Variants in ATRX observed in about 807,000 individuals in gnomAD.
The protein encoded by ATRX is ATRX chromatin remodeler.
In ATRX, 12 loss-of-function variants were observed where a neutral mutation model predicts 172.6. That is an observed-to-expected ratio of 0.07 (90% confidence interval 0.04 to 0.11). The LOEUF is 0.11. ATRX is among the 10% of genes least tolerant of loss of function. The pLI is 1.00. For synonymous variants in ATRX, 674 were observed against 594.7 expected, an observed-to-expected ratio of 1.13 and a Z score of -1.94; for missense variants, 1,368 against 1,767.4, an observed-to-expected ratio of 0.77 and a Z score of 4.05.
At chrX:77,630,925 T>C (rs1191602700) in intron 19 of ATRX, among the ~76,000 whole-genome samples, 6 of 111,189 alleles carry the variant, frequency 5.4e-5, no homozygotes, top group East Asian at 5.6e-4. Context: ...AAAGATGATA[T>C]AAAAAAGTAA....
chrX:77,744,147 T>A (rs782034699), intron 1 of ATRX, among the ~76,000 whole-genome samples: 2 of 111,792 alleles, frequency 1.8e-5, no homozygotes, highest in Non-Finnish European at 3.8e-5. Context: ...GAGACCCCCA[T>A]CTCTAAAAGA....
intron 2 of ATRX, among the ~76,000 whole-genome samples, chrX:77,710,757 G>A (rs1254136176): frequency 1.8e-5 from 2 of 111,256 alleles, no homozygotes; most frequent in South Asian, 3.7e-4. Flanking sequence ...TTTTCAAAAT[G>A]GAAGACAGAT....
At chrX:77,626,726 G>A (rs945447457) in intron 19 of ATRX, among the ~76,000 whole-genome samples, 5 of 111,629 alleles carry the variant, frequency 4.5e-5, no homozygotes, top group African/African-American at 6.5e-5. Flanking sequence ...ATTCCTATAC[G>A]GATATAAATG....
chrX:77,513,133 C>A (rs575670356), intron 34 of ATRX, among the ~76,000 whole-genome samples: 2 of 107,991 alleles, frequency 1.9e-5, no homozygotes, highest in Middle Eastern at 4.9e-3. Flanking sequence ...CTGGTTAACA[C>A]GGTGAAACCC....
chrX:77,749,636 A>G (rs934851934), intron 1 of ATRX, among the ~76,000 whole-genome samples: 1 of 111,906 alleles, frequency 8.9e-6, no homozygotes, highest in Admixed American at 9.6e-5. Context: ...GAAATAATAC[A>G]GTAATCCCAC....
chrX:77,747,699 C>T (rs1264763181), intron 1 of ATRX, among the ~76,000 whole-genome samples: 2 of 111,473 alleles, frequency 1.8e-5, no homozygotes, highest in Admixed American at 9.6e-5. Flanking sequence ...ATAGTAAAGA[C>T]AAGCCATTAA....
intron 28 of ATRX, among the ~76,000 whole-genome samples, chrX:77,566,212 T>C (rs2065192511): frequency 9.0e-6 from 1 of 110,614 alleles, no homozygotes; most frequent in Non-Finnish European, 1.9e-5. Flanking sequence ...CGTGACAAAA[T>C]ATATCAGTCA....
Position 77,523,356 on chromosome X carries a change from C to T in ATRX, c.6745G>A (p.Val2249Ile), listed in dbSNP as rs2147761663. 1.7e-6 allele frequency: 2 copies of T among 1,209,443 alleles called. No individual in the cohort carries two copies. Among genetic ancestry groups the T allele is most frequent in the Non-Finnish European group, 2.2e-6 (2 of 893,547 alleles). The change falls in exon 31 of 35, where the codon GTA becomes ATA. Residue 2249 changes from valine to isoleucine, a missense_variant. Physicochemically the swap from Val to Ile is conservative, Grantham distance 29. Around this residue, in one of 17 missense-constraint regions of ATRX, gnomAD observed 18 missense variants for 52.4 expected, o/e 0.34. Transcript: ENST00000373344. Reference protein sequence around the residue: ...ELLQIHKEHIVGYHEHDSLLD... With the variant: ...ELLQIHKEHIIGYHEHDSLLD... ...AGAGAATCATGTTCATGGTATCCTACAATGTGTTCTTTATGTATCTGAAGG... is the reference window on the plus strand; with the variant it reads ...AGAGAATCATGTTCATGGTATCCTATAATGTGTTCTTTATGTATCTGAAGG...
chrX:77,627,666 A>G (rs2067929113), intron 19 of ATRX, among the ~76,000 whole-genome samples: 1 of 106,609 alleles, frequency 9.4e-6, no homozygotes, highest in Non-Finnish European at 1.9e-5. Context: ...GTTCGAGACC[A>G]GCCTGGGCAA....
rs1291977828 is a variant in ATRX, at chrX:77,719,645, A to T, written c.21-2402T>A. 3.6e-5 allele frequency among the ~76,000 whole-genome samples: 4 copies of T among 111,650 alleles called. No individual in the cohort carries two copies. The Admixed American group carries it at 3.8e-4, about 11-fold the overall frequency. On this transcript the variant is annotated intron_variant, in intron 1 of 34. Transcript: ENST00000373344. Reference sequence around the variant, plus strand: ...ACGAGAAGAGCTAACTATCCTAAATATATATGTACCCAATACGGGAGCACC... The same window carrying T: ...ACGAGAAGAGCTAACTATCCTAAATTTATATGTACCCAATACGGGAGCACC...
intron 20 of ATRX, 136 bp from the exon 21 acceptor site, chrX:77,619,117 T>C: frequency 2.1e-6 from 1 of 467,728 alleles, no homozygotes; most frequent in Non-Finnish European, 3.6e-6. Flanking sequence ...AAGCTAAGTA[T>C]AGAATAAACA....
At chrX:77,574,636 C>CTTGA (rs2065543124) in intron 27 of ATRX, among the ~76,000 whole-genome samples, 2 of 111,595 alleles carry the variant, frequency 1.8e-5, no homozygotes, top group South Asian at 7.3e-4. Context: ...GATTAGAATC[C>CTTGA]TTAAAACTGT....
At chrX:77,692,254 T>C (rs1038172350) in intron 6 of ATRX, among the ~76,000 whole-genome samples, 37 of 111,687 alleles carry the variant, frequency 3.3e-4, no homozygotes, top group African/African-American at 1.2e-3. Context: ...TACTGATCTT[T>C]ACCATCACTT....
intron 1 of ATRX, among the ~76,000 whole-genome samples, chrX:77,766,897 G>A (rs1438617859): frequency 4.5e-5 from 5 of 112,208 alleles, no homozygotes; most frequent in Non-Finnish European, 9.4e-5. Flanking sequence ...GTAGCGAGCC[G>A]AGATCACGCC....
intron 1 of ATRX, among the ~76,000 whole-genome samples, chrX:77,772,990 G>T (rs1225710805): frequency 2.0e-5 from 2 of 98,689 alleles, no homozygotes; most frequent in African/African-American, 3.8e-5. Context: ...TAGGACTACA[G>T]TTGTGCACCA....
In ATRX at chrX:77,507,191, AAAAC is replaced by A. The variant is rs1474752400; in HGVS notation, c.*1156_*1159del. The A allele has an allele frequency of 3.5e-5, 6 of 171,237 alleles. No homozygotes were observed. Among genetic ancestry groups the A allele is most frequent in the Non-Finnish European group, 4.4e-5 (4 of 90,104 alleles). The allele number at this position is 171,237 out of a possible 1,213,427, so 14.1% of individuals were successfully genotyped here. ...TTGCCTCACAATCTAAACTAAAAAA[AAAAC>A]AAACTCTGAAACAATTTAAAAAAAT... On this transcript the variant is annotated 3_prime_UTR_variant, in exon 35 of 35. Transcript: ENST00000373344.
chrX:77,508,209 A>T lies in ATRX; in HGVS notation c.*142T>A. On this transcript the variant is annotated 3_prime_UTR_variant, in exon 35 of 35. Transcript: ENST00000373344. ...AAATGGTATGCCCTATTTAAAAAAAAAAAAAGTAAAACTAATATGGAAGAT... is the reference window on the plus strand; with the variant it reads ...AAATGGTATGCCCTATTTAAAAAAATAAAAAGTAAAACTAATATGGAAGAT... 1 of 772,305 alleles carries T rather than the reference A, an allele frequency of 1.3e-6. No individual in the cohort carries two copies. Among genetic ancestry groups the T allele is most frequent in the Non-Finnish European group, 1.8e-6 (1 of 547,183 alleles). 63.6% of individuals were successfully genotyped at this position (772,305 alleles called of 1,213,427 possible).
At chrX:77,693,424 C>G (rs1417499768) in intron 6 of ATRX, among the ~76,000 whole-genome samples, 1 of 111,720 alleles carries the variant, frequency 9.0e-6, no homozygotes. Flanking sequence ...TTATAATACC[C>G]CAACTAATAC....
chrX:77,590,459 A>G (rs903472883), intron 26 of ATRX, among the ~76,000 whole-genome samples: 2 of 109,038 alleles, frequency 1.8e-5, no homozygotes, highest in African/African-American at 6.7e-5. Flanking sequence ...AAATACAAAA[A>G]AAATAAGCTG....
Sources: gnomAD v4.1 joint callset for allele counts (sites outside exome capture counted in the v4.1 genomes callset) on GRCh38, gnomAD v4.1.1 for gene constraint, gnomAD v4.1.1 regional missense constraint, MANE v1.5 for transcripts, NCBI Gene and HGNC (gene_info 2026-07-23, HGNC 2026-07-21) for gene names.